ATP6V1C1: variants seen among roughly 807,000 people sequenced by gnomAD.
The protein encoded by ATP6V1C1 is ATPase H+ transporting V1 subunit C1.
A neutral mutation model predicts 53.9 loss-of-function variants in ATP6V1C1; 45 were observed. The ratio of observed to expected loss-of-function variants is 0.83; its 90% CI spans 0.66 to 1.07. ATP6V1C1 has a LOEUF of 1.07. ATP6V1C1 is among the 50% of genes least tolerant of loss of function. The pLI, the probability that ATP6V1C1 is intolerant of heterozygous loss-of-function variation, is 0.00. For missense variants in ATP6V1C1, 315 were observed against 440.3 expected, an observed-to-expected ratio of 0.72 and a Z score of 2.55; for synonymous variants, 153 against 155.2, an observed-to-expected ratio of 0.99 and a Z score of 0.11.
At chr8:103,059,675 C>T (rs1370925815) in intron 8 of ATP6V1C1, among the ~76,000 whole-genome samples, 1 of 152,062 alleles carries the variant, frequency 6.6e-6, no homozygotes, top group Non-Finnish European at 1.5e-5. Flanking sequence ...TCCCCACTCC[C>T]CCAAGACCCA....
chr8:103,048,979 CATT>C, intron 4 of ATP6V1C1, 24 bp downstream of exon 4: 1 of 1,596,444 alleles, frequency 6.3e-7, no homozygotes, highest in Non-Finnish European at 8.6e-7. Flanking sequence ...CATGATTGAT[CATT>C]ATTAACTCAT....
chr8:103,049,007 T>C, intron 4 of ATP6V1C1, 52 bp downstream of exon 4: 1 of 1,514,002 alleles, frequency 6.6e-7, no homozygotes, highest in South Asian at 1.2e-5. Flanking sequence ...AGCAAATAAC[T>C]AAGCTACAGA....
intron 10 of ATP6V1C1, among the ~76,000 whole-genome samples, chr8:103,064,168 A>C (rs1001505466): frequency 5.9e-5 from 9 of 152,174 alleles, no homozygotes. Context: ...AAATATTTGA[A>C]GTTTAAAAAG....
chr8:103,068,769 A>C lies in ATP6V1C1; in HGVS notation c.*22A>C, dbSNP rs755489178. The C allele has an allele frequency of 6.3e-7, 1 of 1,582,100 alleles. No individual in the cohort carries two copies. Among genetic ancestry groups the C allele is most frequent in the Non-Finnish European group, 8.7e-7 (1 of 1,155,170 alleles). ...GTGAAAATGGGCTCCTCCCCCGACA[A>C]TCCTGTCCTTGTGTTTGTGTGTGCT... is the stretch of plus-strand genomic sequence containing the variant. On this transcript the variant is annotated 3_prime_UTR_variant, in exon 13 of 13. Transcript: ENST00000518738.
chr8:103,068,184 C>T (rs191241958), intron 12 of ATP6V1C1, among the ~76,000 whole-genome samples: 8 of 152,306 alleles, frequency 5.3e-5, no homozygotes, highest in Admixed American at 5.2e-4. Context: ...TAGAGTCTCA[C>T]TATGTTGCCC....
chr8:103,056,929 A>T lies in ATP6V1C1; in HGVS notation c.641+993A>T, dbSNP rs146060320. Among the ~76,000 whole-genome samples the T allele has an allele frequency of 1.1e-4, 17 of 152,188 alleles. 1 individual carries two copies. The East Asian group carries it at 3.3e-3, about 29-fold the overall frequency. ...GATGGAAAGAGTCCTGGACTCAGGG[A>T]TCTGAGTTCTATTGCTGGTTCTGTC... On this transcript the variant is annotated intron_variant, in intron 8 of 12. Coordinates refer to ENST00000518738, the MANE Select transcript of ATP6V1C1 (RefSeq NM_001695.5).
intron 8 of ATP6V1C1, among the ~76,000 whole-genome samples, chr8:103,056,635 C>T (rs1817293676): frequency 1.3e-5 from 2 of 152,198 alleles, no homozygotes; most frequent in South Asian, 2.1e-4. Context: ...CTAGAACTCA[C>T]ATCTTTTAGC....
chr8:103,045,809 C>T (rs937170522), intron 3 of ATP6V1C1, among the ~76,000 whole-genome samples: 14 of 152,134 alleles, frequency 9.2e-5, no homozygotes, highest in Admixed American at 2.0e-4. Context: ...GGTGTGGTGG[C>T]GGGCGCCTGT....
intron 1 of ATP6V1C1, among the ~76,000 whole-genome samples, chr8:103,034,713 C>T (rs181771058): frequency 1.9e-3 from 283 of 151,748 alleles, no homozygotes; most frequent in Non-Finnish European, 3.0e-3. Context: ...GGATTACAGG[C>T]GCATGCCACC....
chr8:103,023,280 C>CTT (rs576209249), intron 1 of ATP6V1C1, among the ~76,000 whole-genome samples: 54 of 113,060 alleles, frequency 4.8e-4, no homozygotes, highest in South Asian at 6.0e-4. Context: ...CAGGTTGTGG[C>CTT]TTTTTTTTTT....
chr8:103,066,464 C>A lies in ATP6V1C1; in HGVS notation c.1053+17C>A. 4.6e-6 allele frequency: 7 copies of A among 1,526,916 alleles called. No individual in the cohort carries two copies. The highest frequency in any genetic ancestry group is 2.6e-5 in the South Asian group (2 of 77,040). The allele number at this position is 1,526,916 out of a possible 1,614,324, so 94.6% of individuals were successfully genotyped here. On this transcript the variant is annotated intron_variant, in intron 12 of 12. Coordinates refer to ENST00000518738, the MANE Select transcript of ATP6V1C1 (RefSeq NM_001695.5). ...ATTATTGATGTAAGTACTTATTAGC[C>A]CAGTAGAGTAAGAATTGAAGTGAAT...
intron 8 of ATP6V1C1, among the ~76,000 whole-genome samples, chr8:103,060,959 T>G (rs1162929332): frequency 6.6e-6 from 1 of 152,302 alleles, no homozygotes; most frequent in East Asian, 1.9e-4. Flanking sequence ...TTGGATAAGT[T>G]TAAAAGATTA....
intron 12 of ATP6V1C1, among the ~76,000 whole-genome samples, chr8:103,068,111 T>C (rs899802352): frequency 6.6e-6 from 1 of 152,172 alleles, no homozygotes; most frequent in Non-Finnish European, 1.5e-5. Flanking sequence ...TTCCAAGTAG[T>C]TGGGACTATA....
intron 1 of ATP6V1C1, among the ~76,000 whole-genome samples, chr8:103,039,235 A>T (rs549937356): frequency 6.6e-6 from 1 of 152,212 alleles, no homozygotes; most frequent in Non-Finnish European, 1.5e-5. Context: ...AGTACCTTTT[A>T]TATGGTAGAT....
intron 10 of ATP6V1C1, 56 bp from the exon 11 acceptor site, chr8:103,064,658 C>T (rs1045767778): frequency 1.4e-6 from 2 of 1,410,992 alleles, no homozygotes; most frequent in African/African-American, 1.4e-5. Flanking sequence ...AATATTTGGT[C>T]TATCTAATTG....
At chr8:103,038,815 GAAATCA>G (rs1816943461) in intron 1 of ATP6V1C1, among the ~76,000 whole-genome samples, 2 of 152,162 alleles carry the variant, frequency 1.3e-5, no homozygotes, top group Admixed American at 1.3e-4. Context: ...CTTCTGTTTT[GAAATCA>G]AAACTTATCT....
rs182775041 is a variant in ATP6V1C1 at position 103,069,702 on chromosome 8, A to G, written c.*955A>G. The G allele has an allele frequency of 6.6e-6, 1 of 152,300 alleles. No homozygotes were observed. The highest frequency in any genetic ancestry group is 1.5e-5 in the Non-Finnish European group (1 of 68,030). The allele number at this position is 152,300 out of a possible 1,614,324, so 9.4% of individuals were successfully genotyped here. On this transcript the variant is annotated 3_prime_UTR_variant, in exon 13 of 13. Transcript: ENST00000518738. ...TTGGCCTTTAAAATCTCAGAAATGA[A>G]TGACTTAATTTAGTGTCCTGAAAGA...
chr8:103,045,814 G>A (rs941335946), intron 3 of ATP6V1C1, among the ~76,000 whole-genome samples: 12 of 152,188 alleles, frequency 7.9e-5, no homozygotes, highest in South Asian at 4.1e-4. Context: ...GGTGGCGGGC[G>A]CCTGTAGTCC....
At chr8:103,057,015 C>T (rs905074469) in intron 8 of ATP6V1C1, among the ~76,000 whole-genome samples, 3 of 152,066 alleles carry the variant, frequency 2.0e-5, no homozygotes, top group Admixed American at 6.6e-5. Flanking sequence ...TCGAGTTGTC[C>T]AGGTTCTTGG....
Sources: allele counts gnomAD v4.1 joint callset (sites outside exome capture counted in the v4.1 genomes callset), GRCh38; gene constraint gnomAD v4.1.1; transcripts MANE v1.5; gene names NCBI Gene and HGNC (gene_info 2026-07-23, HGNC 2026-07-21).